The following WWOX variants were observed in gnomAD, a reference collection of about 807,000 sequenced individuals.
The protein encoded by WWOX is WW domain-containing oxidoreductase.
In WWOX, 69 loss-of-function variants were observed where a neutral mutation model predicts 46.2. The observed-to-expected ratio is 1.49, with a 90% CI of 1.23 to 1.82. The LOEUF is 1.82. Ranked by LOEUF, WWOX falls within the 40% of genes most tolerant of loss-of-function variation. The pLI is 0.00. For missense variants in WWOX, 919 were observed against 542.6 expected (o/e 1.69, Z -6.89); for synonymous variants, 359 against 202.6 (o/e 1.77, Z -6.56).
intron 8 of WWOX, among the ~76,000 whole-genome samples, chr16:78,830,123 A>T (rs1384643134): frequency 6.6e-6 from 1 of 152,164 alleles, no homozygotes; most frequent in East Asian, 1.9e-4. Context: ...ACATGAAAAA[A>T]AATAAACAAA....
chr16:78,287,293 A>T (rs545323121), intron 5 of WWOX, among the ~76,000 whole-genome samples: 1 of 152,316 alleles, frequency 6.6e-6, no homozygotes, highest in East Asian at 1.9e-4. Flanking sequence ...TAAGCAATCT[A>T]TGACACTCCT....
intron 8 of WWOX, among the ~76,000 whole-genome samples, chr16:78,499,222 T>G (rs1429924912): frequency 6.6e-6 from 1 of 151,752 alleles, no homozygotes; most frequent in African/African-American, 2.4e-5. Context: ...GAGATGGCTT[T>G]GCTTTGGGGG....
At chr16:79,164,927 A>T (rs1220585891) in intron 8 of WWOX, among the ~76,000 whole-genome samples, 1 of 152,166 alleles carries the variant, frequency 6.6e-6, no homozygotes, top group Non-Finnish European at 1.5e-5. Flanking sequence ...CAAAGTGTGC[A>T]TAAAGATACC....
At chr16:78,330,764 C>A (rs2080737266) in intron 5 of WWOX, among the ~76,000 whole-genome samples, 1 of 152,200 alleles carries the variant, frequency 6.6e-6, no homozygotes, top group Admixed American at 6.5e-5. Flanking sequence ...TTTAAATATT[C>A]ATCTCACTTC....
chr16:78,465,189 G>C (rs149569706), intron 8 of WWOX, among the ~76,000 whole-genome samples: 3 of 152,158 alleles, frequency 2.0e-5, no homozygotes, highest in African/African-American at 7.2e-5. Context: ...ATGAGATTTG[G>C]GTGGGGACAC....
At chr16:78,712,269 C>T (rs1383517810) in intron 8 of WWOX, among the ~76,000 whole-genome samples, 5 of 151,936 alleles carry the variant, frequency 3.3e-5, no homozygotes, top group East Asian at 1.9e-4. Flanking sequence ...TTTGGGAGGC[C>T]GAGGTGGGCA....
At chr16:78,371,650 T>A (rs551683221) in intron 5 of WWOX, among the ~76,000 whole-genome samples, 2 of 152,318 alleles carry the variant, frequency 1.3e-5, no homozygotes, top group South Asian at 2.1e-4. Flanking sequence ...TCTTGCTTAA[T>A]TATTTTTCCC....
chr16:78,634,837 A>T (rs28721347), intron 8 of WWOX, among the ~76,000 whole-genome samples: 5,871 of 111,676 alleles, frequency 0.053, 175 homozygotes, highest in South Asian at 0.077. Flanking sequence ...AGAGAGAGAG[A>T]GTGTGTGTGT....
intron 8 of WWOX, among the ~76,000 whole-genome samples, chr16:78,883,475 G>C (rs551190729): frequency 6.6e-6 from 1 of 152,162 alleles, no homozygotes; most frequent in African/African-American, 2.4e-5. Context: ...CGAAATCCCA[G>C]CATTGCGGGA....
At chr16:78,367,129 G>C (rs934068271) in intron 5 of WWOX, among the ~76,000 whole-genome samples, 2 of 151,896 alleles carry the variant, frequency 1.3e-5, no homozygotes, top group African/African-American at 2.4e-5. Context: ...ACAGGTGCCT[G>C]CCACCACGCC....
intron 5 of WWOX, among the ~76,000 whole-genome samples, chr16:78,183,423 T>C (rs1201434754): frequency 6.6e-6 from 1 of 152,156 alleles, no homozygotes. Context: ...ACTTTGGTGG[T>C]CTAGTTAGTG....
chr16:78,889,230 T>A (rs1295017667), intron 8 of WWOX, among the ~76,000 whole-genome samples: 1 of 152,156 alleles, frequency 6.6e-6, no homozygotes, highest in Non-Finnish European at 1.5e-5. Flanking sequence ...AAAATTTTAT[T>A]AAAATACAGC....
chr16:78,865,219 C>A (rs988380310), intron 8 of WWOX, among the ~76,000 whole-genome samples: 6 of 152,056 alleles, frequency 3.9e-5, no homozygotes, highest in African/African-American at 1.4e-4. Context: ...ATTTAGGATG[C>A]GATCAGTTTT....
At chr16:78,310,905 G>T (rs535992059) in intron 5 of WWOX, among the ~76,000 whole-genome samples, 2 of 152,174 alleles carry the variant, frequency 1.3e-5, no homozygotes, top group African/African-American at 2.4e-5. Context: ...TTGTTGTCAC[G>T]ATGTACAGGA....
At chr16:78,159,104 A>C (rs2034699789) in intron 4 of WWOX, among the ~76,000 whole-genome samples, 2 of 152,112 alleles carry the variant, frequency 1.3e-5, no homozygotes, top group Non-Finnish European at 2.9e-5. Flanking sequence ...CAAATAGCAG[A>C]ATTTCCTTCA....
intron 8 of WWOX, among the ~76,000 whole-genome samples, chr16:78,738,027 C>G (rs1015219456): frequency 6.6e-6 from 1 of 152,192 alleles, no homozygotes; most frequent in East Asian, 1.9e-4. Context: ...GCCCGGTGGA[C>G]TTCTGTGGCC....
chr16:78,704,376 A>G (rs891119499), intron 8 of WWOX, among the ~76,000 whole-genome samples: 4 of 152,134 alleles, frequency 2.6e-5, no homozygotes, highest in African/African-American at 4.8e-5. Flanking sequence ...CATTTTCACA[A>G]TGCTTGGTTT....
intron 5 of WWOX, among the ~76,000 whole-genome samples, chr16:78,313,145 G>C (rs933998589): frequency 5.3e-5 from 8 of 152,130 alleles, no homozygotes; most frequent in Admixed American, 2.6e-4. Flanking sequence ...CAATGTAATG[G>C]GCAGAAAGGG....
chr16:78,402,180 C>G (rs2082428278), intron 6 of WWOX, among the ~76,000 whole-genome samples: 1 of 152,228 alleles, frequency 6.6e-6, no homozygotes, highest in African/African-American at 2.4e-5. Context: ...AGTCTGCTTT[C>G]TATCTCTACC....
Sources: gnomAD v4.1 joint callset for allele counts (sites outside exome capture counted in the v4.1 genomes callset) on GRCh38, gnomAD v4.1.1 for gene constraint, MANE v1.5 for transcripts, NCBI Gene and HGNC (gene_info 2026-07-23, HGNC 2026-07-21) for gene names.